Variants in CHM observed in about 807,000 individuals in gnomAD.
The protein encoded by CHM is rab proteins geranylgeranyltransferase component A 1.
In CHM, 10 loss-of-function variants were observed where a neutral mutation model predicts 49.0. The ratio of observed to expected loss-of-function variants is 0.20; its 90% CI spans 0.13 to 0.35. CHM has a LOEUF of 0.35. Ranked by LOEUF, CHM falls within the 10% of genes least tolerant of loss-of-function variation. The pLI is 1.00. For missense variants in CHM, 455 were observed against 478.4 expected (o/e 0.95, Z 0.46); for synonymous variants, 184 against 167.5 (o/e 1.10, Z -0.76).
chrX:85,864,779 A>G lies in CHM; in HGVS notation c.1813T>C (p.Cys605Arg), dbSNP rs752538106. 7 of 1,209,666 alleles carry G rather than the reference A, an allele frequency of 5.8e-6. No homozygotes were observed. The South Asian group carries it at 8.9e-5, about 15-fold the overall frequency. ...TCTTCAGGATTTGGTGGAGGGGGAC[A>G]GAAATCTTCATTGGGGCAGATTTCC... The part of the protein sequence containing the change: ...FQEICPNEDF[C>R]PPPPNPEDII... The change falls in exon 15 of 15, where the codon TGT becomes CGT. Residue 605 changes from cysteine to arginine, a missense_variant. Physicochemically the swap from Cys to Arg is radical, Grantham distance 180. Transcript: ENST00000357749.
chrX:85,900,788 G>T, intron 10 of CHM, 79 bp from the exon 11 acceptor site: 1 of 728,968 alleles, frequency 1.4e-6, no homozygotes, highest in Non-Finnish European at 2.1e-6. Context: ...CCACCAGAAG[G>T]CACGTTTCAA....
chrX:85,956,861 G>A (rs55984743), intron 7 of CHM, among the ~76,000 whole-genome samples: 25,380 of 110,659 alleles, frequency 0.23, 2,224 homozygotes, highest in Middle Eastern at 0.26. Context: ...TGTGGCTACT[G>A]GAATCAGTCT....
At chrX:85,972,529 GA>G (rs1160497118) in intron 4 of CHM, among the ~76,000 whole-genome samples, 1 of 113,357 alleles carries the variant, frequency 8.8e-6, no homozygotes, top group African/African-American at 3.2e-5. Flanking sequence ...GGCCCGGTGA[GA>G]AATTGACCAC....
intron 2 of CHM, among the ~76,000 whole-genome samples, chrX:86,012,314 C>A: frequency 9.0e-6 from 1 of 111,461 alleles, no homozygotes; most frequent in Admixed American, 9.5e-5. Flanking sequence ...ATTGAACAGG[C>A]CCTGGAGACA....
intron 14 of CHM, among the ~76,000 whole-genome samples, chrX:85,868,871 C>A (rs1317281862): frequency 1.8e-5 from 2 of 112,129 alleles, no homozygotes; most frequent in East Asian, 5.6e-4. Context: ...TTCAGGCCTA[C>A]CTTCTCTGAT....
intron 11 of CHM, 29 bp downstream of exon 11, chrX:85,900,617 T>C: frequency 1.0e-6 from 1 of 954,324 alleles, no homozygotes; most frequent in Non-Finnish European, 1.5e-6. Flanking sequence ...TATACAACTT[T>C]TATTAAAAAT....
chrX:85,953,922 G>A (rs953966139), intron 8 of CHM, among the ~76,000 whole-genome samples: 1 of 111,283 alleles, frequency 9.0e-6, no homozygotes, highest in Non-Finnish European at 1.9e-5. Flanking sequence ...ATGGACAAAC[G>A]GGAACACATG....
intron 9 of CHM, 132 bp downstream of exon 9, chrX:85,911,129 G>GTGTGTATA (rs1219677231): frequency 2.9e-4 from 2 of 6,907 alleles, no homozygotes; most frequent in Admixed American, 5.9e-3. Context: ...GTGTGTATAT[G>GTGTGTATA]TATATATATA....
At chrX:85,977,992 T>C (rs956337839) in intron 4 of CHM, among the ~76,000 whole-genome samples, 2 of 112,013 alleles carry the variant, frequency 1.8e-5, no homozygotes. Context: ...GAATCTCTGG[T>C]GTATTGAATT....
At chrX:86,004,330 G>A (rs1267759293) in intron 2 of CHM, among the ~76,000 whole-genome samples, 3 of 111,802 alleles carry the variant, frequency 2.7e-5, no homozygotes, top group African/African-American at 9.8e-5. Flanking sequence ...AAAGACCATC[G>A]ATACTATAAA....
intron 2 of CHM, among the ~76,000 whole-genome samples, chrX:86,011,457 G>T (rs1933069652): frequency 9.0e-6 from 1 of 111,261 alleles, no homozygotes; most frequent in Admixed American, 9.6e-5. Context: ...ACTGTAGAAG[G>T]AGGGGAAATT....
At chrX:85,908,936 A>AT (rs916114571) in intron 9 of CHM, among the ~76,000 whole-genome samples, 1 of 112,113 alleles carries the variant, frequency 8.9e-6, no homozygotes, top group African/African-American at 3.2e-5. Context: ...TTATTTCTAA[A>AT]TAAGGAAAAG....
chrX:85,929,701 T>C (rs1928308030), intron 8 of CHM, among the ~76,000 whole-genome samples: 1 of 112,199 alleles, frequency 8.9e-6, no homozygotes, highest in African/African-American at 3.2e-5. Context: ...TAATAAAATA[T>C]TAGTTTTAGC....
intron 2 of CHM, among the ~76,000 whole-genome samples, chrX:86,001,441 A>G (rs977396399): frequency 1.8e-5 from 2 of 111,572 alleles, no homozygotes; most frequent in Non-Finnish European, 3.8e-5. Context: ...TTTATAAAGA[A>G]AAGAGGTTTA....
intron 11 of CHM, among the ~76,000 whole-genome samples, chrX:85,897,722 G>T (rs1016577815): frequency 9.0e-6 from 1 of 111,002 alleles, no homozygotes; most frequent in Non-Finnish European, 1.9e-5. Flanking sequence ...CTGACTGGTG[G>T]TGTGTGCTGA....
intron 8 of CHM, among the ~76,000 whole-genome samples, chrX:85,953,518 A>G (rs1209502871): frequency 1.8e-5 from 2 of 111,726 alleles, no homozygotes; most frequent in African/African-American, 3.3e-5. Flanking sequence ...CTTATTTCAA[A>G]TTATACTACA....
rs5967639 is a variant in CHM at position 85,861,735 on chromosome X, C to T, written c.*2895G>A. The T allele has an allele frequency of 1.8e-5, 2 of 111,319 alleles. No individual in the cohort carries two copies. The highest frequency in any genetic ancestry group is 5.7e-4 in the East Asian group (2 of 3,537). 9.2% of individuals were successfully genotyped at this position (111,319 alleles called of 1,213,427 possible). ...AATAGCAACATAGGATTAGGTATTG[C>T]TTCTCATACTGATCACTAAACTAAA... On this transcript the variant is annotated 3_prime_UTR_variant, in exon 15 of 15. Transcript: ENST00000357749.
At chrX:85,980,537 A>T (rs1051166205) in intron 3 of CHM, among the ~76,000 whole-genome samples, 1 of 112,285 alleles carries the variant, frequency 8.9e-6, no homozygotes, top group Non-Finnish European at 1.9e-5. Context: ...TAAATCAATC[A>T]ATCAATGCAA....
intron 11 of CHM, among the ~76,000 whole-genome samples, chrX:85,898,722 A>G (rs1926066072): frequency 8.9e-6 from 1 of 112,157 alleles, no homozygotes; most frequent in Admixed American, 9.5e-5. Flanking sequence ...AGTAAGTAAT[A>G]TAATAGCTGC....
Sources: gnomAD v4.1 joint callset for allele counts (sites outside exome capture counted in the v4.1 genomes callset) on GRCh38, gnomAD v4.1.1 for gene constraint, MANE v1.5 for transcripts, NCBI Gene and HGNC (gene_info 2026-07-23, HGNC 2026-07-21) for gene names.